The following CLIC2 variants were observed in gnomAD, a reference collection of about 807,000 sequenced individuals.
The protein encoded by CLIC2 is chloride intracellular channel protein 2.
A neutral mutation model predicts 14.8 loss-of-function variants in CLIC2; 9 were observed. The observed-to-expected ratio is 0.61, with a 90% CI of 0.37 to 1.06. The LOEUF is 1.06. Ranked by LOEUF, CLIC2 falls within the 50% of genes least tolerant of loss-of-function variation. The pLI is 0.01. For synonymous variants in CLIC2, 61 were observed against 66.3 expected, an observed-to-expected ratio of 0.92 and a Z score of 0.39; for missense variants, 148 against 181.4, an observed-to-expected ratio of 0.82 and a Z score of 1.06.
At chrX:155,319,457 C>T (rs1449405435) in intron 1 of CLIC2, among the ~76,000 whole-genome samples, 2 of 111,793 alleles carry the variant, frequency 1.8e-5, no homozygotes, top group African/African-American at 3.3e-5. Flanking sequence ...CACAAGGGGT[C>T]GGGGAACTCC....
chrX:155,324,637 A>G (rs1425001264), intron 1 of CLIC2, among the ~76,000 whole-genome samples: 1 of 111,951 alleles, frequency 8.9e-6, no homozygotes, highest in Admixed American at 9.5e-5. Context: ...AAACTTAAAC[A>G]TAAGACCTAA....
chrX:155,332,546 G>C (rs782655663), intron 1 of CLIC2, among the ~76,000 whole-genome samples: 2 of 111,769 alleles, frequency 1.8e-5, no homozygotes, highest in African/African-American at 6.5e-5. Context: ...CTATTTTAAA[G>C]GAATAGAATT....
At chrX:155,305,203 C>G (rs2075048313) in intron 1 of CLIC2, among the ~76,000 whole-genome samples, 1 of 112,171 alleles carries the variant, frequency 8.9e-6, no homozygotes, top group Admixed American at 9.4e-5. Flanking sequence ...GCAGTTTGAT[C>G]TCAGACTGCT....
chrX:155,325,048 C>T (rs2075131063), intron 1 of CLIC2, among the ~76,000 whole-genome samples: 1 of 112,023 alleles, frequency 8.9e-6, no homozygotes, highest in African/African-American at 3.2e-5. Flanking sequence ...CAAATCAAAA[C>T]CGCAATGAGA....
At chrX:155,293,600 C>G (rs1289213043) in intron 3 of CLIC2, among the ~76,000 whole-genome samples, 1 of 111,390 alleles carries the variant, frequency 9.0e-6, no homozygotes, top group Non-Finnish European at 1.9e-5. Context: ...ATTAAATATT[C>G]CACTTAAAAG....
At chrX:155,285,472 G>T (rs2074938440) in intron 3 of CLIC2, among the ~76,000 whole-genome samples, 1 of 111,815 alleles carries the variant, frequency 8.9e-6, no homozygotes, top group South Asian at 3.7e-4. Context: ...TGAGAAGAGG[G>T]ATACATACAT....
At position 155,276,416 on chromosome X, in the gene CLIC2, C is replaced by A. The variant is rs1557315769; in HGVS notation, c.*1487G>T. ...TTTTCTAGCTATCTTGAAATACATG[C>A]TACATTATTATTTGCTATAGTCACC... On this transcript the variant is annotated 3_prime_UTR_variant, in exon 6 of 6. Transcript: ENST00000369449. The A allele has an allele frequency of 9.0e-6, 1 of 111,526 alleles. No individual in the cohort carries two copies. The highest frequency in any genetic ancestry group is 2.8e-4 in the East Asian group (1 of 3,561). 9.2% of individuals were successfully genotyped at this position (111,526 alleles called of 1,213,427 possible). A position where few individuals can be genotyped will look rare whatever the true frequency, so the allele number is the denominator to read the frequency against.
chrX:155,324,278 C>A (rs782605836), intron 1 of CLIC2, among the ~76,000 whole-genome samples: 1 of 99,257 alleles, frequency 1.0e-5, no homozygotes, highest in East Asian at 3.2e-4. Flanking sequence ...CCTGTATAGC[C>A]AAAACAATCC....
intron 3 of CLIC2, among the ~76,000 whole-genome samples, chrX:155,294,896 A>G (rs1312010203): frequency 4.5e-5 from 5 of 111,795 alleles, no homozygotes; most frequent in African/African-American, 6.5e-5. Context: ...AAGTCTCCCA[A>G]TGAAGAAAAG....
intron 3 of CLIC2, among the ~76,000 whole-genome samples, chrX:155,285,946 A>G (rs1557317046): frequency 9.1e-6 from 1 of 109,881 alleles, no homozygotes; most frequent in Non-Finnish European, 1.9e-5. Flanking sequence ...TCCAAAGCCG[A>G]AAGAGGAGGC....
intron 1 of CLIC2, among the ~76,000 whole-genome samples, chrX:155,305,161 G>C (rs1206539729): frequency 4.5e-5 from 5 of 112,105 alleles, no homozygotes; most frequent in African/African-American, 1.6e-4. Context: ...GGGCAATGGC[G>C]GGCGCCCCTC....
chrX:155,329,020 G>A (rs2075147871), intron 1 of CLIC2, among the ~76,000 whole-genome samples: 1 of 110,706 alleles, frequency 9.0e-6, no homozygotes, highest in South Asian at 3.8e-4. Flanking sequence ...AAAACATTAG[G>A]GAAACTCTCC....
intron 1 of CLIC2, among the ~76,000 whole-genome samples, chrX:155,330,043 G>A (rs1207827923): frequency 9.0e-6 from 1 of 111,334 alleles, no homozygotes; most frequent in Non-Finnish European, 1.9e-5. Context: ...GGGAAGGGTA[G>A]TGAGTCTGTG....
intron 1 of CLIC2, among the ~76,000 whole-genome samples, chrX:155,316,511 T>A (rs1036644271): frequency 9.0e-6 from 1 of 111,344 alleles, no homozygotes; most frequent in Non-Finnish European, 1.9e-5. Context: ...TCCTGAATGA[T>A]TGTTGGGTCA....
At chrX:155,297,987 T>C (rs781921586) in intron 3 of CLIC2, among the ~76,000 whole-genome samples, 89 of 108,102 alleles carry the variant, frequency 8.2e-4, no homozygotes, top group Non-Finnish European at 1.5e-3. Flanking sequence ...CCTCTAGTAA[T>C]TGAATGCCAA....
chrX:155,296,546 A>G (rs1193151125), intron 3 of CLIC2, among the ~76,000 whole-genome samples: 1 of 112,071 alleles, frequency 8.9e-6, no homozygotes, highest in African/African-American at 3.2e-5. Context: ...CTGCACAGCA[A>G]AAGAAATGAG....
At chrX:155,305,565 G>C (rs782762243) in intron 1 of CLIC2, among the ~76,000 whole-genome samples, 18 of 112,490 alleles carry the variant, frequency 1.6e-4, no homozygotes, top group African/African-American at 5.8e-4. Context: ...GCTGTAGACC[G>C]GAGCTGTTCC....
chrX:155,321,560 A>G (rs1771323072), intron 1 of CLIC2, among the ~76,000 whole-genome samples: 1 of 113,011 alleles, frequency 8.8e-6, no homozygotes, highest in African/African-American at 3.2e-5. Flanking sequence ...AGCTCCAGAA[A>G]GAAGCACTAA....
chrX:155,279,178 T>G lies in CLIC2; in HGVS notation c.553A>C (p.Ser185Arg). The G allele has an allele frequency of 8.3e-7, 1 of 1,211,182 alleles. No individual in the cohort carries two copies. The highest frequency in any genetic ancestry group is 1.1e-6 in the Non-Finnish European group (1 of 895,108). The change falls in exon 5 of 6, where the codon AGC becomes CGC. Residue 185 changes from serine to arginine, a missense_variant. By Grantham distance (110) the Ser-to-Arg change is moderately radical. Transcript: ENST00000369449. ...DGDQLTLADC[S>R]LLPKLNIIKV... ...ATAATGTTCAGCTTGGGTAACAAGC[T>G]ACAATCAGCCAGTGTTAGCTGGTCC...
Sources: allele counts gnomAD v4.1 joint callset (sites outside exome capture counted in the v4.1 genomes callset), GRCh38; gene constraint gnomAD v4.1.1; transcripts MANE v1.5; gene names NCBI Gene and HGNC (gene_info 2026-07-23, HGNC 2026-07-21).